DAG1: variants seen among roughly 807,000 people sequenced by gnomAD.
The protein encoded by DAG1 is dystroglycan 1 (dystrophin-associated glycoprotein 1).
A neutral mutation model predicts 46.1 loss-of-function variants in DAG1; 8 were observed. The observed-to-expected ratio is 0.17, with a 90% CI of 0.10 to 0.31. The LOEUF (loss-of-function observed/expected upper bound fraction) is 0.31, where lower values mean the gene tolerates loss of function less well. Among genes scored for constraint, DAG1 ranks in the 10% least tolerant of loss-of-function variants. The probability of loss-of-function intolerance (pLI) is 1.00; values close to 1 mark genes in which losing one functional copy is unlikely to be tolerated. For synonymous variants in DAG1, 495 were observed against 481.8 expected (o/e 1.03, Z -0.36); for missense variants, 1,003 against 1,189.9 (o/e 0.84, Z 2.31).
intron 1 of DAG1, among the ~76,000 whole-genome samples, chr3:49,478,531 T>TG (rs1435529104): frequency 3.2e-5 from 4 of 123,724 alleles, no homozygotes; most frequent in African/African-American, 1.1e-4. Context: ...CCAAGAGTTT[T>TG]TTTTTTTTTT....
chr3:49,532,175 A>G lies in DAG1; in HGVS notation c.1664A>G (p.Asn555Ser), dbSNP rs779830000. ...GGCGAGAAGTCCTGGGTACAGTTCA[A>G]CAGCAACAGCCAGCTCATGTATGGC... The part of the protein sequence containing the change: ...LVGEKSWVQF[N>S]SNSQLMYGLP... Residue 555 changes from asparagine to serine, a missense_variant, in exon 3 of 3, where the codon AAC becomes AGC. This residue lies in a region of DAG1 where 755 missense variants were observed against 854.1 expected (regional missense o/e 0.88). Transcript: ENST00000308775. The surrounding 1 kb of genome is among the most constrained non-coding windows in gnomAD (Gnocchi z 5.4). 1.2e-6 allele frequency: 2 copies of G among 1,614,242 alleles called. No individual in the cohort carries two copies. The highest frequency in any genetic ancestry group is 2.2e-5 in the East Asian group (1 of 44,890).
intron 1 of DAG1, among the ~76,000 whole-genome samples, chr3:49,472,832 T>C (rs1017563026): frequency 2.7e-5 from 4 of 150,536 alleles, no homozygotes; most frequent in Non-Finnish European, 4.4e-5. Context: ...AACAACTTTA[T>C]CTCCAGGCAG....
At chr3:49,470,939 C>T (rs1046153849) in intron 1 of DAG1, 4 of 152,258 alleles carry the variant, frequency 2.6e-5, no homozygotes, top group African/African-American at 9.6e-5. Flanking sequence ...TGTTTACTTA[C>T]TACCTTTTCA....
chr3:49,488,526 A>C (rs1002323204), intron 1 of DAG1: 7 of 152,198 alleles, frequency 4.6e-5, no homozygotes, highest in Non-Finnish European at 7.3e-5. Flanking sequence ...CACACACAAT[A>C]GGGGTGAATG....
chr3:49,509,822 G>A (rs920858789), intron 1 of DAG1, among the ~76,000 whole-genome samples: 3 of 151,838 alleles, frequency 2.0e-5, no homozygotes, highest in African/African-American at 4.8e-5. Flanking sequence ...TCCACCTCCC[G>A]GGTTCAAGTG....
intron 1 of DAG1, among the ~76,000 whole-genome samples, chr3:49,478,833 A>G (rs1202840045): frequency 1.1e-4 from 7 of 65,580 alleles, no homozygotes; most frequent in African/African-American, 1.9e-4. Context: ...TTTTTTTTGG[A>G]TACAGAATCT....
chr3:49,491,541 G>C (rs947050384), intron 1 of DAG1, among the ~76,000 whole-genome samples: 1 of 150,552 alleles, frequency 6.6e-6, no homozygotes, highest in Non-Finnish European at 1.5e-5. Context: ...GCAGTGGCGC[G>C]ATCTTGCTCA....
intron 1 of DAG1, among the ~76,000 whole-genome samples, chr3:49,500,051 T>C (rs773231595): frequency 4.0e-4 from 58 of 144,198 alleles, no homozygotes; most frequent in Non-Finnish European, 8.4e-4. Context: ...CTTGGCTCAC[T>C]GTAGCCTCCG....
chr3:49,522,324 G>T (rs1351019790), intron 2 of DAG1, among the ~76,000 whole-genome samples: 2 of 151,558 alleles, frequency 1.3e-5, no homozygotes, highest in Non-Finnish European at 2.9e-5. Flanking sequence ...GAGCCACTGC[G>T]CCTGGCTTTT....
intron 1 of DAG1, among the ~76,000 whole-genome samples, chr3:49,498,458 A>T (rs972163486): frequency 6.6e-6 from 1 of 151,750 alleles, no homozygotes; most frequent in Non-Finnish European, 1.5e-5. Context: ...ACTGTTTTCC[A>T]CTGTGTTGAG....
chr3:49,532,491 C>A lies in DAG1; in HGVS notation c.1980C>A (p.Thr660=), dbSNP rs771247466. 7 of 1,614,168 alleles carry A rather than the reference C, an allele frequency of 4.3e-6. No homozygotes were observed. The highest frequency in any genetic ancestry group is 5.9e-6 in the Non-Finnish European group (7 of 1,180,028). ...ITRGSIVVEW[T]NNTLPLEPCP... is the part of the protein sequence containing the mutation. The stretch of plus-strand genomic sequence containing the variant: ...GGGGCTCCATCGTGGTGGAATGGAC[C>A]AACAACACACTGCCCTTGGAGCCCT... The change falls in exon 3 of 3, where the codon ACC becomes ACA. Residue 660 remains threonine (T), a synonymous_variant. Coordinates refer to ENST00000308775, the MANE Select transcript of DAG1 (RefSeq NM_004393.6). This position sits in a 1 kb window ranked among gnomAD's most constrained non-coding sequence, Gnocchi z 5.4.
chr3:49,479,008 T>C (rs1210363844), intron 1 of DAG1, among the ~76,000 whole-genome samples: 2 of 151,232 alleles, frequency 1.3e-5, no homozygotes, highest in African/African-American at 2.4e-5. Flanking sequence ...AGAGACGAGG[T>C]TTTACTATGT....
Position 49,532,413 on chromosome 3 carries a change from C to T in DAG1, c.1902C>T (p.Ala634=), listed in dbSNP as rs2051380990. 1 of 1,614,232 alleles carries T rather than the reference C, an allele frequency of 6.2e-7. No homozygotes were observed. Among genetic ancestry groups the T allele is most frequent in the East Asian group, 2.2e-5 (1 of 44,886 alleles). The change falls in exon 3 of 3, where the codon GCC becomes GCT. Residue 634 remains alanine, a synonymous_variant. Transcript: ENST00000308775. The surrounding 1 kb of genome is among the most constrained non-coding windows in gnomAD (Gnocchi z 5.4). ...AGATTGCCTTGGTAAAGAAACTGGC[C>T]TTCGCCTTTGGAGACCGAAACTGTA... ...HKKIALVKKL[A]FAFGDRNCST...
At position 49,534,025 on chromosome 3, in the gene DAG1, A is replaced by C. The variant is rs529646362; in HGVS notation, c.*826A>C. On this transcript the variant is annotated 3_prime_UTR_variant, in exon 3 of 3. Transcript: ENST00000308775. ...CCATGTACACTAGTGGCCCACGACC[A>C]AGGGGTCTTCATTTCCATGAAAAAG... is the stretch of plus-strand genomic sequence containing the variant. The C allele has an allele frequency of 1.0e-3, 154 of 152,942 alleles. No homozygotes were observed. The highest frequency in any genetic ancestry group is 1.4e-3 in the South Asian group (7 of 4,830). 9.5% of individuals were successfully genotyped at this position (152,942 alleles called of 1,614,324 possible). A position where few individuals can be genotyped will look rare whatever the true frequency, so the allele number is the denominator to read the frequency against.
At chr3:49,525,838 G>A (rs1333704183) in intron 2 of DAG1, among the ~76,000 whole-genome samples, 1 of 151,276 alleles carries the variant, frequency 6.6e-6, no homozygotes, top group Non-Finnish European at 1.5e-5. Flanking sequence ...GATTACAGGC[G>A]TGAGCCACCG....
At chr3:49,508,555 C>T (rs567682270) in intron 1 of DAG1, among the ~76,000 whole-genome samples, 33 of 152,200 alleles carry the variant, frequency 2.2e-4, no homozygotes, top group Admixed American at 1.2e-3. Flanking sequence ...TGCACCACCA[C>T]GCCTGGCTAA....
intron 1 of DAG1, among the ~76,000 whole-genome samples, chr3:49,493,620 T>C (rs1350272646): frequency 1.3e-5 from 2 of 152,220 alleles, no homozygotes; most frequent in Admixed American, 1.3e-4. Context: ...TTACTTGATT[T>C]TACTTTGTAT....
chr3:49,481,048 A>G (rs2049865953), intron 1 of DAG1, among the ~76,000 whole-genome samples: 1 of 146,536 alleles, frequency 6.8e-6, no homozygotes, highest in Non-Finnish European at 1.5e-5. Context: ...GGCGTGAGCC[A>G]CCACGCCCGG....
intron 1 of DAG1, among the ~76,000 whole-genome samples, chr3:49,494,348 AG>A (rs11353308): frequency 1 from 152,224 of 152,224 alleles, 76,112 homozygotes; most frequent in Non-Finnish European, 1. Context: ...CCTTTATTAC[AG>A]GGGCTGCTGG....
Sources: gnomAD v4.1 joint callset for allele counts (sites outside exome capture counted in the v4.1 genomes callset) on GRCh38, gnomAD v4.1.1 for gene constraint, gnomAD v4.1.1 regional missense constraint, Gnocchi (gnomAD v3.1) non-coding constraint, MANE v1.5 for transcripts, NCBI Gene and HGNC (gene_info 2026-07-23, HGNC 2026-07-21) for gene names.